Variants in RNF212B observed in about 807,000 individuals in gnomAD.
RNF212B encodes E3 ubiquitin-protein ligase RNF212B.
A neutral mutation model predicts 55.5 loss-of-function variants in RNF212B; 52 were observed. The ratio of observed to expected loss-of-function variants is 0.94; its 90% CI spans 0.75 to 1.18. RNF212B has a LOEUF of 1.18. RNF212B is among the 50% of genes most tolerant of loss of function. RNF212B has a pLI of 0.00. For missense variants in RNF212B, 289 were observed against 350.4 expected (o/e 0.82, Z 1.40); for synonymous variants, 99 against 121.4 (o/e 0.82, Z 1.21).
intron 2 of RNF212B, among the ~76,000 whole-genome samples, chr14:23,221,499 A>G (rs1261581209): frequency 6.6e-6 from 1 of 152,250 alleles, no homozygotes; most frequent in African/African-American, 2.4e-5. Context: ...TAAAGCAAAT[A>G]TTATTAGAGC....
chr14:23,272,556 T>C, intron 14 of RNF212B: 1 of 447,838 alleles, frequency 2.2e-6, no homozygotes, highest in East Asian at 4.8e-5. Context: ...GGTAGTCATA[T>C]GTCCCAGATT....
intron 2 of RNF212B, among the ~76,000 whole-genome samples, chr14:23,199,086 A>G (rs1007856691): frequency 2.0e-5 from 3 of 152,138 alleles, no homozygotes; most frequent in Non-Finnish European, 2.9e-5. Flanking sequence ...AATACTGTGA[A>G]CTCTGAAAAT....
At chr14:23,235,897 G>C (rs2140427382), upstream of RNF212B, among the ~76,000 whole-genome samples, 1 of 152,298 alleles carries the variant, frequency 6.6e-6, no homozygotes, top group Non-Finnish European at 1.5e-5. Context: ...AAAGTTCATT[G>C]ATATGGTTCA....
chr14:23,253,785 C>T (rs947990102), intron 4 of RNF212B, among the ~76,000 whole-genome samples: 2 of 152,014 alleles, frequency 1.3e-5, no homozygotes, highest in African/African-American at 4.8e-5. Context: ...CTAAGACTTG[C>T]TTGTAGATAT....
chr14:23,272,185 A>C (rs1886143655), intron 14 of RNF212B, among the ~76,000 whole-genome samples: 1 of 152,160 alleles, frequency 6.6e-6, no homozygotes, highest in African/African-American at 2.4e-5. Flanking sequence ...TGGGAGGCCG[A>C]GGCGGGCGGA....
At chr14:23,186,164 G>C (rs1877571126) in intron 1 of RNF212B, among the ~76,000 whole-genome samples, 1 of 152,018 alleles carries the variant, frequency 6.6e-6, no homozygotes, top group African/African-American at 2.4e-5. Flanking sequence ...CACTTTCAAA[G>C]GGAGCATTAT....
rs563139691 is a variant in RNF212B, at chr14:23,258,856, C to CTT, written c.344+194_344+195dup. ...TTCTTCCCTCCAGAGGCCCTCCTCA[C>CTT]TTTATAGTTTTCCTCTTCTATTTCT... On this transcript the variant is annotated intron_variant, in intron 5 of 14. Transcript: ENST00000430154. Among the ~76,000 whole-genome samples, 25 of 151,958 alleles carry CTT rather than the reference C, an allele frequency of 1.6e-4. No homozygotes were observed. In the East Asian group the frequency reaches 4.6e-3, roughly 28 times the overall value.
intron 2 of RNF212B, among the ~76,000 whole-genome samples, chr14:23,216,704 A>T (rs1362429803): frequency 8.6e-5 from 13 of 151,784 alleles, no homozygotes; most frequent in Admixed American, 8.5e-4. Context: ...ACATGGTGAA[A>T]CCCCATCTCT....
chr14:23,191,129 G>A (rs1042862786), intron 1 of RNF212B, among the ~76,000 whole-genome samples: 17 of 152,244 alleles, frequency 1.1e-4, no homozygotes, highest in African/African-American at 3.9e-4. Context: ...CGAGGTGGGT[G>A]GATCGCCTGA....
intron 14 of RNF212B, among the ~76,000 whole-genome samples, chr14:23,271,504 T>G (rs1886082523): frequency 6.6e-6 from 1 of 152,034 alleles, no homozygotes. Flanking sequence ...TTTGTTTGTT[T>G]TTTTTAATGG....
intron 2 of RNF212B, among the ~76,000 whole-genome samples, chr14:23,232,100 G>C (rs567324334): frequency 6.6e-6 from 1 of 152,166 alleles, no homozygotes; most frequent in East Asian, 1.9e-4. Flanking sequence ...CTGCCTGGCT[G>C]CCCATCGTCT....
chr14:23,251,415 G>C (rs1169108263), intron 4 of RNF212B, among the ~76,000 whole-genome samples: 1 of 152,172 alleles, frequency 6.6e-6, no homozygotes, highest in Non-Finnish European at 1.5e-5. Context: ...CAAACTTGAG[G>C]ATTCCCATGA....
intron 2 of RNF212B, among the ~76,000 whole-genome samples, chr14:23,232,435 G>A (rs1297864177): frequency 6.8e-6 from 1 of 147,298 alleles, no homozygotes; most frequent in African/African-American, 2.5e-5. Context: ...AGTGAGGAGC[G>A]CCTCCGCCCG....
At chr14:23,267,330 G>C (rs887689800) in intron 11 of RNF212B, among the ~76,000 whole-genome samples, 4 of 151,872 alleles carry the variant, frequency 2.6e-5, no homozygotes, top group Non-Finnish European at 5.9e-5. Context: ...ATCAGTTTTT[G>C]CTTCATGTAT....
chr14:23,189,255 C>T (rs901380968), intron 1 of RNF212B, among the ~76,000 whole-genome samples: 4 of 152,154 alleles, frequency 2.6e-5, no homozygotes, highest in Non-Finnish European at 5.9e-5. Context: ...AGAACTTCCC[C>T]ATGCTCCATT....
At position 23,218,967 on chromosome 14, in the gene RNF212B, C is replaced by CAT. The variant is rs370782238; in HGVS notation, c.-1-21377_-1-21376insTA. ...GTACGAGGAGAAAAGAAACAAATAA[C>CAT]AAAATAGAGCACCAATATGTCTGGC... On this transcript the variant is annotated intron_variant, in intron 2 of 15. Transcript: ENST00000399910. Among the ~76,000 whole-genome samples the CAT allele has an allele frequency of 8.7e-3, 1,320 of 152,076 alleles. 25 individuals carry two copies. The highest frequency in any genetic ancestry group is 0.03 in the African/African-American group (1,249 of 41,506).
At chr14:23,216,879 CAAAAAA>C (rs59923716) in intron 2 of RNF212B, among the ~76,000 whole-genome samples, 4 of 48,756 alleles carry the variant, frequency 8.2e-5, no homozygotes, top group South Asian at 1.3e-3. Flanking sequence ...GACCCTGTCT[CAAAAAA>C]AAAAAAAAAA....
At chr14:23,222,356 A>C (rs1247778128) in intron 2 of RNF212B, among the ~76,000 whole-genome samples, 2 of 152,166 alleles carry the variant, frequency 1.3e-5, no homozygotes, top group Admixed American at 1.3e-4. Context: ...ACTATGAACA[A>C]CTATATGTCA....
chr14:23,192,664 A>G (rs1484292143), intron 1 of RNF212B, among the ~76,000 whole-genome samples: 1 of 152,182 alleles, frequency 6.6e-6, no homozygotes, highest in African/African-American at 2.4e-5. Flanking sequence ...GTGCACATGT[A>G]CCCTAGAACT....
Sources: allele counts gnomAD v4.1 joint callset (sites outside exome capture counted in the v4.1 genomes callset), GRCh38; gene constraint gnomAD v4.1.1; transcripts MANE v1.5; gene names NCBI Gene and HGNC (gene_info 2026-07-23, HGNC 2026-07-21).